SMC1A: variants seen among roughly 807,000 people sequenced by gnomAD.
SMC1A encodes structural maintenance of chromosomes protein 1A.
A neutral mutation model predicts 94.5 loss-of-function variants in SMC1A; 4 were observed. The ratio of observed to expected loss-of-function variants is 0.04; its 90% confidence interval spans 0.02 to 0.10. SMC1A has a LOEUF of 0.10. Among genes scored for constraint, SMC1A ranks in the 10% least tolerant of loss-of-function variants. SMC1A has a pLI of 1.00. For synonymous variants in SMC1A, 345 were observed against 347.7 expected, an observed-to-expected ratio of 0.99 and a Z score of 0.09; for missense variants, 304 against 989.0, an observed-to-expected ratio of 0.31 and a Z score of 9.29.
intron 9 of SMC1A, among the ~76,000 whole-genome samples, chrX:53,407,571 CTG>C (rs1158287229): frequency 2.7e-5 from 3 of 112,050 alleles, no homozygotes; most frequent in African/African-American, 9.7e-5. Flanking sequence ...TTCTCGGGAA[CTG>C]TAATTTATAG....
At chrX:53,420,975 G>A (rs371220129) in intron 1 of SMC1A, among the ~76,000 whole-genome samples, 9 of 111,663 alleles carry the variant, frequency 8.1e-5, no homozygotes, top group African/African-American at 2.6e-4. Context: ...ACTCACCAAA[G>A]GGACTAAAGG....
intron 19 of SMC1A, among the ~76,000 whole-genome samples, chrX:53,389,411 C>G (rs1481539378): frequency 9.0e-6 from 1 of 111,224 alleles, no homozygotes; most frequent in Admixed American, 9.6e-5. Flanking sequence ...TTGCGTGTGA[C>G]CATCATGGAT....
At chrX:53,404,222 A>C (rs951018959) in intron 13 of SMC1A, among the ~76,000 whole-genome samples, 47 of 111,100 alleles carry the variant, frequency 4.2e-4, no homozygotes, top group African/African-American at 1.5e-3. Flanking sequence ...AGAAAAAGAT[A>C]TATAAATACA....
At chrX:53,390,978 AAAAAAAAAAAAAAAAAAAAGAAAAAG>A (rs2075626431) in intron 19 of SMC1A, among the ~76,000 whole-genome samples, 1 of 97,080 alleles carries the variant, frequency 1.0e-5, no homozygotes, top group Non-Finnish European at 2.1e-5. Flanking sequence ...CGTCTCAAAA[AAAAAAAAAAAAAAAAAAAAGAAAAAG>A]AAAAAAAAAA....
At chrX:53,381,671 C>T (rs1556885913) in intron 22 of SMC1A, 1 of 150,628 alleles carries the variant, frequency 6.6e-6, no homozygotes, top group African/African-American at 3.1e-5. Context: ...TCTGTTTATG[C>T]ATCTGGCTTC....
At chrX:53,421,577 G>A (rs1556892044) in intron 1 of SMC1A, among the ~76,000 whole-genome samples, 1 of 111,827 alleles carries the variant, frequency 8.9e-6, no homozygotes, top group African/African-American at 3.3e-5. Flanking sequence ...GAGTTGGGAA[G>A]ACACAAAATA....
At position 53,409,513 on chromosome X, in the gene SMC1A, A is replaced by G; in HGVS notation, c.1255-10T>C. On this transcript the variant is annotated splice_polypyrimidine_tract_variant and intron_variant, in intron 7 of 24. Transcript: ENST00000322213. Reference sequence around the variant, plus strand: ...TTTGCTTGATCTTGGCCTGGGAAACAAACATTCCATCATCAGGGGCTGCAC... The same window carrying G: ...TTTGCTTGATCTTGGCCTGGGAAACGAACATTCCATCATCAGGGGCTGCAC... 1 of 1,199,155 alleles carries G rather than the reference A, an allele frequency of 8.3e-7. No homozygotes were observed. The highest frequency in any genetic ancestry group is 1.1e-6 in the Non-Finnish European group (1 of 884,156).
chrX:53,386,353 T>C (rs920477624), intron 19 of SMC1A, among the ~76,000 whole-genome samples: 6 of 111,847 alleles, frequency 5.4e-5, no homozygotes, highest in African/African-American at 1.9e-4. Flanking sequence ...TAAATTTTGA[T>C]TGGATACTAG....
chrX:53,408,951 T>A, intron 9 of SMC1A, 111 bp downstream of exon 9: 2 of 734,993 alleles, frequency 2.7e-6, no homozygotes, highest in Admixed American at 2.5e-5. Flanking sequence ...GAGCCTCATT[T>A]CCCCCAACAA....
At chrX:53,402,363 TTGAA>T (rs2075673320) in intron 15 of SMC1A, among the ~76,000 whole-genome samples, 1 of 110,729 alleles carries the variant, frequency 9.0e-6, no homozygotes. Flanking sequence ...CAAAGGTTTG[TTGAA>T]TGAATGAATC....
At chrX:53,420,451 G>C (rs2075750206) in intron 1 of SMC1A, among the ~76,000 whole-genome samples, 2 of 106,767 alleles carry the variant, frequency 1.9e-5, no homozygotes, top group Admixed American at 2.0e-4. Flanking sequence ...TTGAACCCAA[G>C]AGGCAGAGGT....
chrX:53,411,134 T>C (rs1219088669), intron 7 of SMC1A, among the ~76,000 whole-genome samples: 1 of 109,366 alleles, frequency 9.1e-6, no homozygotes, highest in Non-Finnish European at 1.9e-5. Flanking sequence ...CAAATTACTC[T>C]GTGTTGTAAT....
chrX:53,404,747 C>T (rs1406650626), intron 13 of SMC1A, among the ~76,000 whole-genome samples: 11 of 111,403 alleles, frequency 9.9e-5, no homozygotes, highest in Middle Eastern at 4.6e-3. Flanking sequence ...CCACCGTGCC[C>T]GGCCGAGTAG....
intron 16 of SMC1A, among the ~76,000 whole-genome samples, chrX:53,397,117 T>C (rs2075654290): frequency 9.0e-6 from 1 of 110,537 alleles, no homozygotes; most frequent in African/African-American, 3.3e-5. Context: ...TGAATACACA[T>C]ATGTAAATGT....
At chrX:53,385,579 G>C (rs987502187) in intron 19 of SMC1A, among the ~76,000 whole-genome samples, 36 of 110,090 alleles carry the variant, frequency 3.3e-4, no homozygotes, top group African/African-American at 1.2e-3. Context: ...CCGGCCCCAG[G>C]ATAGATTTTT....
chrX:53,416,011 T>C (rs2146607410), intron 1 of SMC1A, among the ~76,000 whole-genome samples: 3 of 110,800 alleles, frequency 2.7e-5, no homozygotes, highest in Non-Finnish European at 5.7e-5. Context: ...GTTAAAATAA[T>C]ATAAAGTGGG....
Position 53,412,136 on chromosome X carries a change from C to T in SMC1A, c.972G>A (p.Lys324=). 8.3e-7 allele frequency: 1 copy of T among 1,211,608 alleles called. No homozygotes were observed. Among genetic ancestry groups the T allele is most frequent in the East Asian group, 3.0e-5 (1 of 33,850 alleles). Residue 324 remains lysine (K), a synonymous_variant, in exon 6 of 25, where the codon AAG becomes AAA. Transcript: ENST00000322213. ...AAKKSLQNAQ[K]HYKKRKGDMD... is the part of the protein sequence containing the mutation. Reference sequence around the variant, plus strand: ...TGTCACCTTTACGCTTCTTGTAGTGCTTCTGAGCATTCTGCAGAGACTTCT... The same window carrying T: ...TGTCACCTTTACGCTTCTTGTAGTGTTTCTGAGCATTCTGCAGAGACTTCT...
chrX:53,410,669 T>C (rs1453234326), intron 7 of SMC1A, among the ~76,000 whole-genome samples: 1 of 107,737 alleles, frequency 9.3e-6, no homozygotes, highest in East Asian at 2.9e-4. Flanking sequence ...GAATGGTGGC[T>C]GGTGCCTGTA....
rs1556887784 is a variant in SMC1A at position 53,394,901 on chromosome X, C to T, written c.2863-13G>A. The T allele has an allele frequency of 1.7e-5, 18 of 1,052,968 alleles. No individual in the cohort carries two copies. The highest frequency in any genetic ancestry group is 2.3e-5 in the Non-Finnish European group (17 of 750,823). The allele number at this position is 1,052,968 out of a possible 1,213,427, so 86.8% of individuals were successfully genotyped here. ...CCTGGGAGCTACCCTGCAATGGCAA[C>T]GGAGAGTCAAGTGGAGCAGACTGGC... On this transcript the variant is annotated splice_polypyrimidine_tract_variant and intron_variant, in intron 18 of 24. Coordinates refer to ENST00000322213, the MANE Select transcript of SMC1A (RefSeq NM_006306.4).
Sources: allele counts gnomAD v4.1 joint callset (sites outside exome capture counted in the v4.1 genomes callset), GRCh38; gene constraint gnomAD v4.1.1; transcripts MANE v1.5; gene names NCBI Gene and HGNC (gene_info 2026-07-23, HGNC 2026-07-21).